Variants in OSCP1 observed in about 807,000 individuals in gnomAD.
OSCP1 encodes the protein organic solute carrier partner 1.
OSCP1 carries 35 observed loss-of-function variants against 45.1 expected under a neutral mutation model. The ratio of observed to expected loss-of-function variants is 0.78; its 90% CI spans 0.59 to 1.03. The LOEUF is 1.03. Among genes scored for constraint, OSCP1 ranks in the 50% least tolerant of loss-of-function variants. OSCP1 has a pLI of 0.00. For synonymous variants in OSCP1, 179 were observed against 180.1 expected (o/e 0.99, Z 0.05); for missense variants, 400 against 470.7 (o/e 0.85, Z 1.39).
At chr1:36,418,303 A>G in intron 9 of OSCP1, 48 bp from the exon 10 acceptor site, 1 of 1,573,238 alleles carries the variant, frequency 6.4e-7, no homozygotes, top group Non-Finnish European at 8.7e-7. Flanking sequence ...CTGTGCTGGC[A>G]GGCCGCCTCT....
chr1:36,448,674 TA>T (rs758919218), intron 1 of OSCP1, among the ~76,000 whole-genome samples: 2 of 152,194 alleles, frequency 1.3e-5, no homozygotes, highest in Non-Finnish European at 2.9e-5. Context: ...TTAAGCCGAA[TA>T]ATGCAGGATT....
At chr1:36,419,396 A>C in intron 8 of OSCP1, 1 of 304,156 alleles carries the variant, frequency 3.3e-6, no homozygotes, top group Non-Finnish European at 6.1e-6. Flanking sequence ...CACTGAAATA[A>C]CTTATATCTG....
At chr1:36,431,651 G>A (rs1241518388) in intron 4 of OSCP1, 151 bp downstream of exon 4, 1 of 605,698 alleles carries the variant, frequency 1.7e-6, no homozygotes, top group Non-Finnish European at 2.8e-6. Context: ...CTGCTGAGAT[G>A]TATTATCAAT....
chr1:36,422,631 G>A lies in OSCP1; in HGVS notation c.749+137C>T, dbSNP rs1479259642. The A allele has an allele frequency of 7.0e-6, 6 of 856,294 alleles. No individual in the cohort carries two copies. The East Asian group carries it at 1.0e-4, about 15-fold the overall frequency. 53.0% of individuals were successfully genotyped at this position (856,294 alleles called of 1,614,324 possible). A position where few individuals can be genotyped will look rare whatever the true frequency, so the allele number is the denominator to read the frequency against. On this transcript the variant is annotated intron_variant, in intron 6 of 9. Transcript: ENST00000235532. ...CCTTTGAAATGTCAGGCCTCTGTAT[G>A]CAGTGTACCTAAGGGGAAATTACTC...
intron 1 of OSCP1, among the ~76,000 whole-genome samples, chr1:36,449,453 T>A (rs1463571974): frequency 1.3e-5 from 2 of 152,166 alleles, no homozygotes. Flanking sequence ...TCTATATTAT[T>A]TTAGAACACC....
chr1:36,418,820 C>T (rs1003273222), intron 9 of OSCP1, among the ~76,000 whole-genome samples, 171 bp downstream of exon 9: 3 of 151,456 alleles, frequency 2.0e-5, no homozygotes, highest in Non-Finnish European at 4.4e-5. Context: ...CCCAACTACT[C>T]GGCAGGCTGA....
chr1:36,432,153 C>T (rs1218898141), intron 3 of OSCP1, among the ~76,000 whole-genome samples: 1 of 152,190 alleles, frequency 6.6e-6, no homozygotes, highest in Non-Finnish European at 1.5e-5. Context: ...GAACATCCAC[C>T]ACCAAGTCCC....
Position 36,423,467 on chromosome 1 carries a change from C to T in OSCP1, c.517-1G>A. On this transcript the variant is annotated splice_acceptor_variant, in intron 4 of 9. Transcript: ENST00000235532. LOFTEE classifies it high-confidence loss of function. ...CTTTGTCCTTTAGAAACATGGATAC[C>T]TGGAAAAAAATACATTTATTGTCAT... The T allele has an allele frequency of 6.3e-7, 1 of 1,593,990 alleles. No individual in the cohort carries two copies. Among genetic ancestry groups the T allele is most frequent in the South Asian group, 1.1e-5 (1 of 88,478 alleles).
At chr1:36,428,531 A>G in intron 4 of OSCP1, 1 of 1,533,216 alleles carries the variant, frequency 6.5e-7, no homozygotes, top group Non-Finnish European at 8.8e-7. Context: ...AGTTAATCCA[A>G]CAAAATTAGG....
chr1:36,432,284 C>T, intron 3 of OSCP1, 138 bp downstream of exon 3: 1 of 1,056,264 alleles, frequency 9.5e-7, no homozygotes, highest in Non-Finnish European at 1.4e-6. Context: ...ACACGGATTG[C>T]TTTTCAGAAT....
chr1:36,449,250 C>T (rs965989701), intron 1 of OSCP1, among the ~76,000 whole-genome samples: 14 of 151,844 alleles, frequency 9.2e-5, no homozygotes, highest in African/African-American at 1.7e-4. Context: ...AGTTGTTTGC[C>T]GAGAAGGGAG....
Position 36,420,142 on chromosome 1 carries a change from AT to A in OSCP1, c.959+333del, listed in dbSNP as rs879625733. On this transcript the variant is annotated intron_variant, in intron 8 of 9. Coordinates refer to ENST00000235532, the MANE Select transcript of OSCP1 (RefSeq NM_145047.5). Reference sequence around the variant, plus strand: ...AGGTGCGTGCCACCACACCCAGCTAATTTTTTTTTTTTTTTTGTAGAGACGG... The same window carrying A: ...AGGTGCGTGCCACCACACCCAGCTAATTTTTTTTTTTTTTTGTAGAGACGG... Among the ~76,000 whole-genome samples, 341 of 138,418 alleles carry A rather than the reference AT, an allele frequency of 2.5e-3. 1 individual carries two copies. Among genetic ancestry groups the A allele is most frequent in the Middle Eastern group, 7.2e-3 (2 of 276 alleles). 90.8% of individuals were successfully genotyped at this position (138,418 alleles called of 152,430 possible).
chr1:36,419,046 G>C lies in OSCP1; in HGVS notation c.968C>G (p.Ala323Gly). The change falls in exon 9 of 10, where the codon GCG becomes GGG. Residue 323 changes from alanine to glycine, a missense_variant. Physicochemically the swap from Ala to Gly is moderately conservative, Grantham distance 60. Transcript: ENST00000235532. ...GGATAACTCTTCTGGCCTGGTTAGC[G>C]CTGCTTGTCTGGATGAGATGGTAAA... Reference protein sequence around the residue: ...FTTDEEEEQAALTRPEELSYE... With the variant: ...FTTDEEEEQAGLTRPEELSYE... The C allele has an allele frequency of 6.2e-7, 1 of 1,611,950 alleles. No homozygotes were observed. Among genetic ancestry groups the C allele is most frequent in the Non-Finnish European group, 8.5e-7 (1 of 1,178,042 alleles).
chr1:36,424,642 G>T (rs1011204304), intron 4 of OSCP1, among the ~76,000 whole-genome samples: 2 of 152,162 alleles, frequency 1.3e-5, no homozygotes, highest in Non-Finnish European at 2.9e-5. Flanking sequence ...GGATCCAGCT[G>T]ACATTTAAGT....
At chr1:36,419,370 C>T (rs538478413) in intron 8 of OSCP1, 10 of 392,064 alleles carry the variant, frequency 2.6e-5, no homozygotes, top group South Asian at 3.8e-5. Flanking sequence ...CCTCAATTAG[C>T]GCATTCATGA....
At chr1:36,440,662 A>C (rs969819895) in intron 1 of OSCP1, among the ~76,000 whole-genome samples, 2 of 152,190 alleles carry the variant, frequency 1.3e-5, no homozygotes, top group Non-Finnish European at 2.9e-5. Flanking sequence ...CCTCCATTGC[A>C]CTGAAACAAG....
intron 8 of OSCP1, chr1:36,419,352 G>T (rs1647475107): frequency 3.0e-5 from 13 of 436,652 alleles, no homozygotes; most frequent in Non-Finnish European, 5.4e-5. Context: ...TGCAAAGTCA[G>T]TCACTGTCCT....
chr1:36,429,447 T>A (rs1648202287), intron 4 of OSCP1, among the ~76,000 whole-genome samples: 1 of 150,080 alleles, frequency 6.7e-6, no homozygotes, highest in Non-Finnish European at 1.5e-5. Context: ...TACCATATCA[T>A]ACCATCTTTC....
At position 36,434,224 on chromosome 1, in the gene OSCP1, G is replaced by A. The variant is rs77786808; in HGVS notation, c.268-1635C>T. On this transcript the variant is annotated intron_variant, in intron 2 of 9. Coordinates refer to ENST00000235532, the MANE Select transcript of OSCP1 (RefSeq NM_145047.5). ...ACCATCTGAGTGTCATGCCAAGCACGTGTATATATATTACCTCATTTGATC... is the reference window on the plus strand; with the variant it reads ...ACCATCTGAGTGTCATGCCAAGCACATGTATATATATTACCTCATTTGATC... Among the ~76,000 whole-genome samples the A allele has an allele frequency of 9.9e-3, 1,505 of 152,096 alleles. 16 individuals carry two copies. The highest frequency in any genetic ancestry group is 0.016 in the Non-Finnish European group (1,122 of 68,026).
Sources: allele counts gnomAD v4.1 joint callset (sites outside exome capture counted in the v4.1 genomes callset), GRCh38; gene constraint gnomAD v4.1.1; transcripts MANE v1.5; gene names NCBI Gene and HGNC (gene_info 2026-07-23, HGNC 2026-07-21).